The following PDE6H variants were observed in gnomAD, a reference collection of about 807,000 sequenced individuals.
The protein encoded by PDE6H is retinal cone rhodopsin-sensitive cGMP 3',5'-cyclic phosphodiesterase subunit gamma.
A neutral mutation model predicts 9.2 loss-of-function variants in PDE6H; 11 were observed. The ratio of observed to expected loss-of-function variants is 1.19; its 90% CI spans 0.75 to 1.97. The LOEUF is 1.97. Ranked by LOEUF, PDE6H falls within the 30% of genes most tolerant of loss-of-function variation. PDE6H has a pLI of 0.00. For synonymous variants in PDE6H, 36 were observed against 33.6 expected (o/e 1.07, Z -0.25); for missense variants, 98 against 101.5 (o/e 0.97, Z 0.15).
intron 1 of PDE6H, among the ~76,000 whole-genome samples, chr12:14,977,395 T>C (rs1279147332): frequency 6.6e-6 from 1 of 152,188 alleles, no homozygotes; most frequent in African/African-American, 2.4e-5. Context: ...TCAGGTTATT[T>C]TACAGCTGGA....
chr12:14,976,993 T>C (rs914192382), intron 1 of PDE6H, among the ~76,000 whole-genome samples: 3 of 152,258 alleles, frequency 2.0e-5, no homozygotes, highest in African/African-American at 7.2e-5. Flanking sequence ...AATGGCAATG[T>C]GCATTTCTGT....
chr12:14,975,365 G>A (rs1035315108), intron 1 of PDE6H, among the ~76,000 whole-genome samples: 4 of 93,660 alleles, frequency 4.3e-5, no homozygotes, highest in African/African-American at 2.1e-4. Context: ...TGGGTGTCTT[G>A]TAATTTTTTT....
At chr12:14,975,155 G>A (rs1392950047) in intron 1 of PDE6H, among the ~76,000 whole-genome samples, 1 of 152,002 alleles carries the variant, frequency 6.6e-6, no homozygotes, top group Admixed American at 6.6e-5. Flanking sequence ...GACAAATGAG[G>A]GTCACTTTAG....
At chr12:14,975,372 T>C (rs569973453) in intron 1 of PDE6H, among the ~76,000 whole-genome samples, 49 of 152,244 alleles carry the variant, frequency 3.2e-4, no homozygotes, top group African/African-American at 1.1e-3. Flanking sequence ...CTTGTAATTT[T>C]TTTTTTTTTG....
intron 1 of PDE6H, among the ~76,000 whole-genome samples, chr12:14,975,646 C>T (rs553877979): frequency 2.7e-4 from 41 of 151,994 alleles, no homozygotes; most frequent in African/African-American, 8.9e-4. Context: ...GCCTGTCTAC[C>T]GGGGGTAGAG....
chr12:14,978,549 C>T (rs912509765), intron 2 of PDE6H, among the ~76,000 whole-genome samples: 1 of 152,226 alleles, frequency 6.6e-6, no homozygotes, highest in Non-Finnish European at 1.5e-5. Context: ...CTCTTCCTCT[C>T]CTTGGCAAAA....
chr12:14,976,530 C>T (rs1002193962), intron 1 of PDE6H, among the ~76,000 whole-genome samples: 1 of 151,866 alleles, frequency 6.6e-6, no homozygotes, highest in African/African-American at 2.4e-5. Context: ...TTGCAGTTAA[C>T]AGTATTAGCA....
chr12:14,975,200 T>C (rs373712710), intron 1 of PDE6H, among the ~76,000 whole-genome samples: 2 of 152,140 alleles, frequency 1.3e-5, no homozygotes, highest in African/African-American at 4.8e-5. Flanking sequence ...TCCAACTCAA[T>C]TGGATCTTAT....
chr12:14,974,070 C>G lies in PDE6H; in HGVS notation c.-42+984C>G, dbSNP rs544349017. Among the ~76,000 whole-genome samples the G allele has an allele frequency of 5.9e-5, 9 of 152,312 alleles. No individual in the cohort carries two copies. In the East Asian group the frequency reaches 1.5e-3, roughly 26 times the overall value. On this transcript the variant is annotated intron_variant, in intron 1 of 3. Transcript: ENST00000266395. ...TTTCTGCAGAAAAACAGTTTGTAAT[C>G]TTCAAAAGGGGAAGGGCTAACATTG... is the stretch of plus-strand genomic sequence containing the variant.
Position 14,978,102 on chromosome 12 carries a change from G to A in PDE6H, c.90G>A (p.Gln30=). Residue 30 remains glutamine, a synonymous_variant, in exon 2 of 4, where the codon CAG becomes CAA. Transcript: ENST00000266395. The part of the protein sequence containing the change: ...RKGPPKFKQR[Q]TRQFKSKPPK... ...GCCCTCCCAAGTTCAAGCAGAGGCA[G>A]ACTCGCCAATTCAAGAGTAAACCTC... 1 of 1,613,856 alleles carries A rather than the reference G, an allele frequency of 6.2e-7. No homozygotes were observed. Among genetic ancestry groups the A allele is most frequent in the Non-Finnish European group, 8.5e-7 (1 of 1,179,960 alleles).
intron 1 of PDE6H, among the ~76,000 whole-genome samples, chr12:14,977,115 G>C (rs1439595470): frequency 6.6e-6 from 1 of 152,226 alleles, no homozygotes; most frequent in Admixed American, 6.5e-5. Flanking sequence ...TCTCGACGTA[G>C]AGTTGAAGCA....
chr12:14,975,533 G>C (rs1281433329), intron 1 of PDE6H, among the ~76,000 whole-genome samples: 1 of 152,138 alleles, frequency 6.6e-6, no homozygotes, highest in East Asian at 1.9e-4. Flanking sequence ...GCAGGGCTGG[G>C]ATGTGTCAGT....
intron 1 of PDE6H, among the ~76,000 whole-genome samples, chr12:14,976,764 CA>C (rs1565471772): frequency 6.6e-6 from 1 of 152,016 alleles, no homozygotes; most frequent in Non-Finnish European, 1.5e-5. Context: ...CTTATGGAGA[CA>C]AAGCCCCCAC....
intron 2 of PDE6H, 113 bp downstream of exon 2, chr12:14,978,259 C>A: frequency 2.3e-6 from 2 of 874,156 alleles, no homozygotes; most frequent in East Asian, 5.3e-5. Flanking sequence ...AAAATTTCCA[C>A]TCCATCCTCT....
chr12:14,981,717 C>T lies in PDE6H; in HGVS notation c.*241C>T, dbSNP rs1864688016. ...CTTTTCCTACCAGCTAGTTAGAAGT[C>T]ATCAATATTTCTCTACATTTTGTTT... On this transcript the variant is annotated 3_prime_UTR_variant, in exon 4 of 4. Coordinates refer to ENST00000266395, the MANE Select transcript of PDE6H (RefSeq NM_006205.3). 1 of 586,490 alleles carries T rather than the reference C, an allele frequency of 1.7e-6. No homozygotes were observed. 36.3% of individuals were successfully genotyped at this position (586,490 alleles called of 1,614,324 possible).
Position 14,981,411 on chromosome 12 carries a change from A to C in PDE6H, c.187A>C (p.Ile63Leu). 3 of 1,610,866 alleles carry C rather than the reference A, an allele frequency of 1.9e-6. 1 individual carries two copies. The South Asian group carries it at 3.3e-5, about 18-fold the overall frequency. The stretch of plus-strand genomic sequence containing the variant: ...TCCATCTCTTGCAGATATCACAGTG[A>C]TTTGTCCATGGGAGGCATTCAGCCA... Reference protein sequence around the residue: ...MEGLGTDITVICPWEAFSHLE... With the variant: ...MEGLGTDITVLCPWEAFSHLE... The change falls in exon 4 of 4, where the codon ATT (isoleucine) becomes CTT (leucine). Residue 63 changes from isoleucine to leucine, a missense_variant. By Grantham distance (5) the Ile-to-Leu change is conservative. Transcript: ENST00000266395.
intron 2 of PDE6H, among the ~76,000 whole-genome samples, chr12:14,978,952 T>C (rs775754806): frequency 2.1e-4 from 32 of 152,254 alleles, no homozygotes; most frequent in Admixed American, 6.5e-4. Context: ...TTAATTGTTT[T>C]AGGTTAAGTT....
intron 1 of PDE6H, among the ~76,000 whole-genome samples, chr12:14,975,670 C>T (rs1484586703): frequency 5.3e-5 from 8 of 152,058 alleles, no homozygotes; most frequent in Non-Finnish European, 8.8e-5. Flanking sequence ...GCCCACAGAA[C>T]GGGAACTGAA....
intron 1 of PDE6H, among the ~76,000 whole-genome samples, chr12:14,977,233 G>C (rs1419436722): frequency 6.6e-6 from 1 of 152,202 alleles, no homozygotes; most frequent in Non-Finnish European, 1.5e-5. Context: ...AGGTCCTCCT[G>C]TCCAGACAAC....
Sources: allele counts gnomAD v4.1 joint callset (sites outside exome capture counted in the v4.1 genomes callset), GRCh38; gene constraint gnomAD v4.1.1; transcripts MANE v1.5; gene names NCBI Gene and HGNC (gene_info 2026-07-23, HGNC 2026-07-21).